The following AKAP13 variants were observed in gnomAD, a reference collection of about 807,000 sequenced individuals.
AKAP13 encodes the protein A-kinase anchoring protein 13, also known as A-kinase anchor protein 13.
Under a neutral mutation model 264.5 loss-of-function variants are expected in AKAP13, and 80 were observed. The ratio of observed to expected loss-of-function variants is 0.30; its 90% CI spans 0.25 to 0.36. AKAP13 has a LOEUF of 0.36. Ranked by LOEUF, AKAP13 falls within the 10% of genes least tolerant of loss-of-function variation. AKAP13 has a pLI of 1.00. For synonymous variants in AKAP13, 1,380 were observed against 1,250.2 expected (o/e 1.10, Z -2.19); for missense variants, 3,712 against 3,435.2 (o/e 1.08, Z -2.01).
At chr15:85,664,847 T>C in intron 13 of AKAP13, 92 bp downstream of exon 13, 1 of 1,170,244 alleles carries the variant, frequency 8.5e-7, no homozygotes, top group Non-Finnish European at 1.2e-6. Flanking sequence ...GGCTAGTAGC[T>C]ATGATTACTT....
At chr15:85,674,132 T>TTAGA (rs2084086347) in intron 14 of AKAP13, among the ~76,000 whole-genome samples, 1 of 152,132 alleles carries the variant, frequency 6.6e-6, no homozygotes, top group Non-Finnish European at 1.5e-5. Flanking sequence ...ATTGGACCCG[T>TTAGA]TAGACGTTTT....
intron 8 of AKAP13, among the ~76,000 whole-genome samples, chr15:85,600,766 G>A (rs980834987): frequency 2.0e-5 from 3 of 152,200 alleles, no homozygotes; most frequent in African/African-American, 7.2e-5. Context: ...TAACTGAGCT[G>A]AAGAAACAAC....
intron 8 of AKAP13, among the ~76,000 whole-genome samples, chr15:85,602,174 A>T (rs1328333844): frequency 6.6e-6 from 1 of 151,902 alleles, no homozygotes; most frequent in African/African-American, 2.4e-5. Context: ...TGCAATCTGA[A>T]ATCGTATCAT....
intron 22 of AKAP13, 42 bp from the exon 23 acceptor site, chr15:85,719,034 T>A: frequency 1.9e-6 from 3 of 1,606,448 alleles, no homozygotes; most frequent in Non-Finnish European, 2.5e-6. Context: ...CGAATGCTTA[T>A]AAAAGAGTGT....
chr15:85,610,480 G>A (rs903894360), intron 8 of AKAP13, among the ~76,000 whole-genome samples: 3 of 152,192 alleles, frequency 2.0e-5, no homozygotes, highest in African/African-American at 7.2e-5. Context: ...AAGGATAGTC[G>A]TGATGCATGG....
intron 1 of AKAP13, among the ~76,000 whole-genome samples, chr15:85,467,799 A>C (rs1220985734): frequency 2.6e-5 from 4 of 152,178 alleles, no homozygotes; most frequent in Non-Finnish European, 5.9e-5. Context: ...TCAGGGGTTG[A>C]TATTTCGGCC....
intron 5 of AKAP13, among the ~76,000 whole-genome samples, chr15:85,557,040 GT>G (rs748339959): frequency 3.7e-4 from 56 of 152,300 alleles, no homozygotes; most frequent in Non-Finnish European, 5.6e-4. Flanking sequence ...TGGTTTTGTT[GT>G]TTAAGGTGTG....
intron 8 of AKAP13, among the ~76,000 whole-genome samples, chr15:85,586,130 G>T (rs1485591715): frequency 6.6e-6 from 1 of 151,966 alleles, no homozygotes; most frequent in African/African-American, 2.4e-5. Context: ...CACAAAATCT[G>T]AGCTATCACA....
intron 23 of AKAP13, among the ~76,000 whole-genome samples, chr15:85,720,808 G>A (rs774932423): frequency 6.6e-6 from 1 of 152,144 alleles, no homozygotes; most frequent in Non-Finnish European, 1.5e-5. Flanking sequence ...CATTTTTCAG[G>A]TATTTACTGA....
At chr15:85,455,376 G>A (rs1335157133) in intron 1 of AKAP13, among the ~76,000 whole-genome samples, 2 of 152,108 alleles carry the variant, frequency 1.3e-5, no homozygotes, top group Admixed American at 6.6e-5. Context: ...ATAGGGTTGA[G>A]GATGGCAACA....
chr15:85,631,534 A>T (rs2081824988), intron 8 of AKAP13, among the ~76,000 whole-genome samples: 5 of 147,726 alleles, frequency 3.4e-5, no homozygotes, highest in Non-Finnish European at 3.0e-5. Flanking sequence ...ACACACACAC[A>T]CACACACACA....
intron 14 of AKAP13, among the ~76,000 whole-genome samples, chr15:85,673,986 C>A (rs767899927): frequency 6.6e-6 from 1 of 151,558 alleles, no homozygotes; most frequent in African/African-American, 2.4e-5. Flanking sequence ...CCACCGTGCC[C>A]GACCCAGATG....
chr15:85,463,142 CAG>C (rs2074588982), intron 1 of AKAP13, among the ~76,000 whole-genome samples: 2 of 148,190 alleles, frequency 1.3e-5, no homozygotes, highest in Non-Finnish European at 3.0e-5. Flanking sequence ...ATTTGAAGAA[CAG>C]AGAGAAAAGG....
intron 8 of AKAP13, among the ~76,000 whole-genome samples, chr15:85,628,916 G>A (rs1352008901): frequency 6.6e-6 from 1 of 152,136 alleles, no homozygotes; most frequent in Non-Finnish European, 1.5e-5. Context: ...AAGAAGAGAT[G>A]GCACAGTGGC....
chr15:85,478,116 C>T (rs2075233819), intron 1 of AKAP13, among the ~76,000 whole-genome samples: 1 of 152,166 alleles, frequency 6.6e-6, no homozygotes, highest in African/African-American at 2.4e-5. Flanking sequence ...TTGTGCTCAT[C>T]ATACTGTAAT....
intron 8 of AKAP13, among the ~76,000 whole-genome samples, chr15:85,586,653 C>T (rs1012944774): frequency 3.9e-5 from 6 of 152,172 alleles, no homozygotes; most frequent in Non-Finnish European, 5.9e-5. Flanking sequence ...AGGCCAGACG[C>T]GGTGGCTCAC....
intron 8 of AKAP13, among the ~76,000 whole-genome samples, chr15:85,604,465 GC>G (rs1196863734): frequency 6.7e-6 from 1 of 149,536 alleles, no homozygotes; most frequent in Non-Finnish European, 1.5e-5. Flanking sequence ...TGCTGCTGCT[GC>G]TTTTTTTTTT....
chr15:85,627,256 C>T (rs1567162821), intron 8 of AKAP13, among the ~76,000 whole-genome samples: 1 of 152,160 alleles, frequency 6.6e-6, no homozygotes, highest in Non-Finnish European at 1.5e-5. Flanking sequence ...TTATTTCAAA[C>T]TCAACATGGG....
At position 85,563,354 on chromosome 15, in the gene AKAP13, T is replaced by TA. The variant is rs58936526; in HGVS notation, c.663-11774dup. Reference sequence around the variant, plus strand: ...GTTTTTTTTTTTTTTTTTTTTTTTTTAAAGACGGAGAATGAGAATTTGGGC... The same window carrying TA: ...GTTTTTTTTTTTTTTTTTTTTTTTTTAAAAGACGGAGAATGAGAATTTGGGC... On this transcript the variant is annotated intron_variant, in intron 5 of 36. Coordinates refer to ENST00000394518, the MANE Select transcript of AKAP13 (RefSeq NM_007200.5). 7.5e-5 allele frequency among the ~76,000 whole-genome samples: 8 copies of TA among 107,312 alleles called. 1 individual carries two copies. The highest frequency in any genetic ancestry group is 3.2e-4 in the East Asian group (1 of 3,094). The allele number at this position is 107,312 out of a possible 152,430, so 70.4% of individuals were successfully genotyped here.
Sources: gnomAD v4.1 joint callset for allele counts (sites outside exome capture counted in the v4.1 genomes callset) on GRCh38, gnomAD v4.1.1 for gene constraint, MANE v1.5 for transcripts, NCBI Gene and HGNC (gene_info 2026-07-23, HGNC 2026-07-21) for gene names.